CKAP5: variants seen among roughly 807,000 people sequenced by gnomAD.
CKAP5 encodes the protein cytoskeleton-associated protein 5.
A neutral mutation model predicts 232.8 loss-of-function variants in CKAP5; 27 were observed. The ratio of observed to expected loss-of-function variants is 0.12; its 90% CI spans 0.09 to 0.16. The LOEUF is 0.16. Among genes scored for constraint, CKAP5 ranks in the 10% least tolerant of loss-of-function variants. CKAP5 has a pLI of 1.00. For synonymous variants in CKAP5, 785 were observed against 841.1 expected (o/e 0.93, Z 1.16); for missense variants, 1,838 against 2,424.7 (o/e 0.76, Z 5.08).
chr11:46,810,903 A>G, intron 5 of CKAP5, 104 bp downstream of exon 5: 1 of 1,067,630 alleles, frequency 9.4e-7, no homozygotes, highest in Non-Finnish European at 1.3e-6. Context: ...CAAAATTAAG[A>G]ATGTAAAATA....
intron 24 of CKAP5, among the ~76,000 whole-genome samples, chr11:46,772,227 G>A (rs778813738): frequency 6.6e-6 from 1 of 151,812 alleles, no homozygotes; most frequent in African/African-American, 2.4e-5. Flanking sequence ...TTGGATACTG[G>A]CTTACAAATC....
chr11:46,829,357 A>G (rs2134704425), intron 1 of CKAP5, among the ~76,000 whole-genome samples: 1 of 152,322 alleles, frequency 6.6e-6, no homozygotes, highest in East Asian at 1.9e-4. Flanking sequence ...TACTTAAAAG[A>G]CAGTCTACTT....
intron 1 of CKAP5, among the ~76,000 whole-genome samples, chr11:46,823,064 G>A (rs773545477): frequency 6.6e-6 from 1 of 151,984 alleles, no homozygotes; most frequent in Admixed American, 6.6e-5. Flanking sequence ...GGGCTCAAGC[G>A]ATCCTTCCAC....
At chr11:46,834,668 CTATTAAAAAATTATATG>C (rs1349884054) in intron 1 of CKAP5, among the ~76,000 whole-genome samples, 9 of 152,120 alleles carry the variant, frequency 5.9e-5, no homozygotes, top group Admixed American at 4.6e-4. Context: ...AGCAGATTCA[CTATTAAAAAATTATATG>C]CTATTTGGTG....
Position 46,759,057 on chromosome 11 carries a change from C to G in CKAP5, c.4569-14G>C. The G allele has an allele frequency of 6.2e-7, 1 of 1,611,492 alleles. No homozygotes were observed. The highest frequency in any genetic ancestry group is 8.5e-7 in the Non-Finnish European group (1 of 1,179,122). Reference sequence around the variant, plus strand: ...ACAGCCCGGATCCTAGATAGCAGAACAAAGAGAAAACTTCAACCTCTATTA... The same window carrying G: ...ACAGCCCGGATCCTAGATAGCAGAAGAAAGAGAAAACTTCAACCTCTATTA... On this transcript the variant is annotated splice_polypyrimidine_tract_variant and intron_variant, in intron 34 of 43. Transcript: ENST00000529230.
rs2065235288 is a variant in CKAP5, at chr11:46,770,062, T to C, written c.3223A>G (p.Lys1075Glu). The C allele has an allele frequency of 6.2e-7, 1 of 1,614,148 alleles. No homozygotes were observed. The highest frequency in any genetic ancestry group is 1.1e-5 in the South Asian group (1 of 91,086). ...TTGGCTGGCATGTTAACTTTGGCTT[T>C]CTCTAGCATGGCCAATACCTGATCT... is the stretch of plus-strand genomic sequence containing the variant. Reference protein sequence around the residue: ...SKDQVLAMLEKAKVNMPAKPA... With the variant: ...SKDQVLAMLEEAKVNMPAKPA... The change falls in exon 26 of 44, where the codon AAA (lysine) becomes GAA (glutamate). Residue 1075 changes from lysine to glutamate, a missense_variant. Around this residue, in one of 6 missense-constraint regions of CKAP5, gnomAD observed 767 missense variants for 954.6 expected, o/e 0.80. Transcript: ENST00000529230.
rs139338606 is a variant in CKAP5, at chr11:46,818,992, AGGTGTTT to A, written c.58-496_58-490del. On this transcript the variant is annotated intron_variant, in intron 2 of 43. Coordinates refer to ENST00000529230, the MANE Select transcript of CKAP5 (RefSeq NM_001008938.4). ...TTCTTTTTTCATTAATTTATTCAACAGGTGTTTAATAAATAAAAATCAATTCAGCTCT... is the reference window on the plus strand; with the variant it reads ...TTCTTTTTTCATTAATTTATTCAACAAATAAATAAAAATCAATTCAGCTCT... Among the ~76,000 whole-genome samples, 26 of 152,300 alleles carry A rather than the reference AGGTGTTT, an allele frequency of 1.7e-4. No individual in the cohort carries two copies. The East Asian group carries it at 4.6e-3, about 27-fold the overall frequency.
chr11:46,780,570 TG>T (rs2065334000), intron 18 of CKAP5, 85 bp from the exon 19 acceptor site: 1 of 1,035,228 alleles, frequency 9.7e-7, no homozygotes. Context: ...ACTCTAGGAC[TG>T]GCTCCCTTTG....
Position 46,753,293 on chromosome 11 carries a change from TGA to T in CKAP5, c.5057+15_5057+16del. The T allele has an allele frequency of 3.2e-6, 5 of 1,577,814 alleles. No individual in the cohort carries two copies. The highest frequency in any genetic ancestry group is 4.3e-6 in the Non-Finnish European group (5 of 1,165,296). ...CGAGGATGCCCCAGGCTCTATTGGC[TGA>T]GAGTACAGATATACCTCAGGATGTT... On this transcript the variant is annotated intron_variant, in intron 37 of 43. Transcript: ENST00000529230.
chr11:46,745,566 TG>T (rs2065016384), intron 42 of CKAP5, among the ~76,000 whole-genome samples: 1 of 152,186 alleles, frequency 6.6e-6, no homozygotes, highest in African/African-American at 2.4e-5. Flanking sequence ...GATCAAACCA[TG>T]GTATGTTTAC....
intron 8 of CKAP5, among the ~76,000 whole-genome samples, chr11:46,802,734 T>C (rs1565743605): frequency 6.6e-6 from 1 of 152,182 alleles, no homozygotes; most frequent in African/African-American, 2.4e-5. Context: ...TGGTGTTCCA[T>C]AAGCAGAATG....
intron 32 of CKAP5, among the ~76,000 whole-genome samples, chr11:46,761,356 C>T (rs1257742227): frequency 1.3e-5 from 2 of 151,972 alleles, no homozygotes; most frequent in African/African-American, 2.4e-5. Flanking sequence ...TTTGTCACCA[C>T]TATCTAGCTG....
intron 20 of CKAP5, among the ~76,000 whole-genome samples, chr11:46,779,690 G>A (rs2065322714): frequency 6.6e-6 from 1 of 152,026 alleles, no homozygotes; most frequent in South Asian, 2.1e-4. Flanking sequence ...TACAAACATG[G>A]CTCACTGGAG....
intron 9 of CKAP5, among the ~76,000 whole-genome samples, chr11:46,799,106 C>T (rs1481891293): frequency 6.6e-6 from 1 of 152,100 alleles, no homozygotes; most frequent in Non-Finnish European, 1.5e-5. Flanking sequence ...CTCAAGTAAT[C>T]CTCTCATCTC....
At chr11:46,841,266 T>C (rs1479285532) in intron 1 of CKAP5, among the ~76,000 whole-genome samples, 1 of 135,192 alleles carries the variant, frequency 7.4e-6, no homozygotes, top group Non-Finnish European at 1.6e-5. Flanking sequence ...CAATTCTGTC[T>C]CAAAAAAAAA....
intron 3 of CKAP5, among the ~76,000 whole-genome samples, chr11:46,816,875 G>A (rs917660943): frequency 6.6e-6 from 1 of 151,268 alleles, no homozygotes; most frequent in Non-Finnish European, 1.5e-5. Flanking sequence ...GGGAGGCTGA[G>A]GCGGGTGGAT....
rs1362113345 is a variant in CKAP5 at position 46,780,283 on chromosome 11, T to A, written c.2344A>T (p.Met782Leu). The A allele has an allele frequency of 4.3e-6, 7 of 1,613,940 alleles. No homozygotes were observed. The Admixed American group carries it at 1.2e-4, about 27-fold the overall frequency. The change falls in exon 20 of 44, where the codon ATG (methionine) becomes TTG (leucine). Residue 782 changes from methionine (M) to leucine (L), a missense_variant. Around this residue, in one of 6 missense-constraint regions of CKAP5, gnomAD observed 767 missense variants for 954.6 expected, o/e 0.80. Transcript: ENST00000529230. ...RTAAITLLGV[M>L]YLYVGPSLRM... Reference sequence around the variant, plus strand: ...AAAGAGGGACCAACATACAGATACATCACGCCAAGCAGGGTTATGGCAGCA... The same window carrying A: ...AAAGAGGGACCAACATACAGATACAACACGCCAAGCAGGGTTATGGCAGCA...
At position 46,778,124 on chromosome 11, in the gene CKAP5, G is replaced by A. The variant is rs528436190; in HGVS notation, c.2748+15C>T. The A allele has an allele frequency of 8.1e-6, 13 of 1,608,550 alleles. No individual in the cohort carries two copies. Among genetic ancestry groups the A allele is most frequent in the Admixed American group, 1.7e-5 (1 of 59,454 alleles). ...GGGAGGGGAGATAAAAAGAACAGCCGTATGCTCTACATACCAAGATTTTAT... is the reference window on the plus strand; with the variant it reads ...GGGAGGGGAGATAAAAAGAACAGCCATATGCTCTACATACCAAGATTTTAT... On this transcript the variant is annotated intron_variant, in intron 22 of 43. Transcript: ENST00000529230.
In CKAP5 at chr11:46,827,611, A is replaced by G. The variant is rs183551401; in HGVS notation, c.-37-6343T>C. On this transcript the variant is annotated intron_variant, in intron 1 of 43. Coordinates refer to ENST00000529230, the MANE Select transcript of CKAP5 (RefSeq NM_001008938.4). ...ACTCCACCCTGAACAACTAACCAAA[A>G]CCATACCTCTATAAAAGAAAAAAAG... Among the ~76,000 whole-genome samples, 73 of 152,078 alleles carry G rather than the reference A, an allele frequency of 4.8e-4. No homozygotes were observed. In the East Asian group the frequency reaches 9.6e-3, roughly 20 times the overall value.
Sources: allele counts gnomAD v4.1 joint callset (sites outside exome capture counted in the v4.1 genomes callset), GRCh38; gene constraint gnomAD v4.1.1; regional missense constraint gnomAD v4.1.1; transcripts MANE v1.5; gene names NCBI Gene and HGNC (gene_info 2026-07-23, HGNC 2026-07-21).